YWHAG: variants seen among roughly 807,000 people sequenced by gnomAD.
YWHAG encodes tyrosine 3-monooxygenase/tryptophan 5-monooxygenase activation protein gamma.
A neutral mutation model predicts 23.3 loss-of-function variants in YWHAG; 1 was observed. The observed-to-expected ratio is 0.04, with a 90% CI of 0.02 to 0.20. The LOEUF (loss-of-function observed/expected upper bound fraction) is 0.20, where lower values mean the gene tolerates loss of function less well. YWHAG is among the 10% of genes least tolerant of loss of function. The pLI, the probability that YWHAG is intolerant of heterozygous loss-of-function variation, is 1.00. For synonymous variants in YWHAG, 160 were observed against 144.0 expected (o/e 1.11, Z -0.80); for missense variants, 151 against 338.6 (o/e 0.45, Z 4.35).
At chr7:76,339,014 C>G (rs1466210285) in intron 1 of YWHAG, among the ~76,000 whole-genome samples, 1 of 152,266 alleles carries the variant, frequency 6.6e-6, no homozygotes, top group East Asian at 1.9e-4. Flanking sequence ...ACAATTTACC[C>G]TGTTATTCAT....
At chr7:76,343,414 A>AAT (rs1803728863) in intron 1 of YWHAG, among the ~76,000 whole-genome samples, 1 of 152,138 alleles carries the variant, frequency 6.6e-6, no homozygotes, top group African/African-American at 2.4e-5. Flanking sequence ...TCTTCACATT[A>AAT]ATATAACGCT....
chr7:76,357,448 CATTAG>C (rs1288039788), intron 1 of YWHAG, among the ~76,000 whole-genome samples: 1 of 152,136 alleles, frequency 6.6e-6, no homozygotes, highest in East Asian at 1.9e-4. Context: ...GGCCCGAAAT[CATTAG>C]ATTAATTTTC....
intron 1 of YWHAG, among the ~76,000 whole-genome samples, chr7:76,357,617 CTCTTT>C (rs1432660545): frequency 1.4e-4 from 22 of 152,170 alleles, no homozygotes; most frequent in Non-Finnish European, 2.5e-4. Flanking sequence ...GATCGGTATT[CTCTTT>C]TCATCAGCAT....
chr7:76,353,034 C>A (rs559874675), intron 1 of YWHAG, among the ~76,000 whole-genome samples: 2 of 152,198 alleles, frequency 1.3e-5, no homozygotes, highest in Non-Finnish European at 2.9e-5. Context: ...AGGACACACA[C>A]TTAACAAGTG....
At chr7:76,352,652 CT>C (rs749657866) in intron 1 of YWHAG, among the ~76,000 whole-genome samples, 428 of 144,560 alleles carry the variant, frequency 3.0e-3, no homozygotes, top group Non-Finnish European at 2.9e-3. Context: ...ACAACCAAAA[CT>C]TTTTTTTTTT....
At chr7:76,339,118 C>T (rs1484252588) in intron 1 of YWHAG, among the ~76,000 whole-genome samples, 2 of 152,234 alleles carry the variant, frequency 1.3e-5, no homozygotes, top group African/African-American at 2.4e-5. Flanking sequence ...TGGATGTATA[C>T]AACAAACTCA....
intron 1 of YWHAG, among the ~76,000 whole-genome samples, chr7:76,353,471 A>G (rs1289182332): frequency 6.6e-6 from 1 of 152,178 alleles, no homozygotes; most frequent in Non-Finnish European, 1.5e-5. Flanking sequence ...TCAGCCTCCC[A>G]AAGTGCTGGG....
intron 1 of YWHAG, among the ~76,000 whole-genome samples, chr7:76,352,792 G>C (rs775576876): frequency 6.6e-6 from 1 of 151,978 alleles, no homozygotes; most frequent in Non-Finnish European, 1.5e-5. Flanking sequence ...TGGGATTACA[G>C]GCATGCGCCA....
intron 1 of YWHAG, among the ~76,000 whole-genome samples, chr7:76,339,384 T>A (rs982368616): frequency 6.6e-6 from 1 of 152,080 alleles, no homozygotes; most frequent in African/African-American, 2.4e-5. Context: ...ACAGGAGAAC[T>A]GCTTGAACCC....
intron 1 of YWHAG, among the ~76,000 whole-genome samples, chr7:76,331,090 A>G (rs1389938023): frequency 6.6e-6 from 1 of 152,230 alleles, no homozygotes; most frequent in Non-Finnish European, 1.5e-5. Context: ...ATACTATTAC[A>G]TTACTTGACA....
Position 76,328,157 on chromosome 7 carries a change from T to C in YWHAG, c.*1420A>G, listed in dbSNP as rs1363667489. ...TAGACAGATTCACCCGAAATGAGAA[T>C]GAGGGCCTTAAGGCTGCCGAAAACA... is the stretch of plus-strand genomic sequence containing the variant. On this transcript the variant is annotated 3_prime_UTR_variant, in exon 2 of 2. Transcript: ENST00000307630. The C allele has an allele frequency of 2.6e-5, 4 of 152,116 alleles. No homozygotes were observed. The highest frequency in any genetic ancestry group is 4.4e-5 in the Non-Finnish European group (3 of 68,024). The allele number at this position is 152,116 out of a possible 1,614,324, so 9.4% of individuals were successfully genotyped here.
chr7:76,340,327 A>G (rs1443976096), intron 1 of YWHAG, among the ~76,000 whole-genome samples: 2 of 152,224 alleles, frequency 1.3e-5, no homozygotes, highest in African/African-American at 4.8e-5. Flanking sequence ...TACTTGAATC[A>G]TATACTACCT....
Position 76,329,667 on chromosome 7 carries a change from G to A in YWHAG, c.654C>T (p.Asp218=), listed in dbSNP as rs1256347340. Residue 218 remains aspartate (D), a synonymous_variant, in exon 2 of 2, where the codon GAC becomes GAT. Transcript: ENST00000307630. The surrounding 1 kb of genome is among the most constrained non-coding windows in gnomAD (Gnocchi z 6.1). The part of the protein sequence containing the change: ...LDTLNEDSYK[D]STLIMQLLRD... ...GGAGGAGCTGCATGATGAGCGTGGA[G>A]TCCTTGTAGGAGTCCTCGTTGAGGG... 5 of 1,614,152 alleles carry A rather than the reference G, an allele frequency of 3.1e-6. No individual in the cohort carries two copies. Among genetic ancestry groups the A allele is most frequent in the Non-Finnish European group, 4.2e-6 (5 of 1,180,058 alleles).
Position 76,330,168 on chromosome 7 carries a change from G to C in YWHAG, c.153C>G (p.Asn51Lys). 6.2e-7 allele frequency: 1 copy of C among 1,613,838 alleles called. No individual in the cohort carries two copies. The highest frequency in any genetic ancestry group is 8.5e-7 in the Non-Finnish European group (1 of 1,179,990). ...AGGAAGAGCGGCGTGCCCCCACAAC[G>C]TTCTTGTAGGCCACAGACAGAAGGT... is the stretch of plus-strand genomic sequence containing the variant. ...ERNLLSVAYK[N>K]VVGARRSSWR... The change falls in exon 2 of 2, where the codon AAC becomes AAG. Residue 51 changes from asparagine to lysine, a missense_variant. By Grantham distance (94) the Asn-to-Lys change is moderately conservative. Transcript: ENST00000307630.
chr7:76,355,400 A>G (rs917423), intron 1 of YWHAG, among the ~76,000 whole-genome samples: 97,925 of 152,120 alleles, frequency 0.64, 33,174 homozygotes, highest in East Asian at 0.94. Flanking sequence ...GAATTCAAAA[A>G]ACACATAGAT....
At chr7:76,351,948 A>C (rs1282612660) in intron 1 of YWHAG, among the ~76,000 whole-genome samples, 1 of 152,130 alleles carries the variant, frequency 6.6e-6, no homozygotes, top group African/African-American at 2.4e-5. Flanking sequence ...GGTGCCAAAA[A>C]GGTTGGGGAC....
At chr7:76,334,822 A>G (rs1803594564) in intron 1 of YWHAG, among the ~76,000 whole-genome samples, 2 of 152,094 alleles carry the variant, frequency 1.3e-5, no homozygotes, top group African/African-American at 4.8e-5. Flanking sequence ...AGCTCACTGC[A>G]GCCTCAACTT....
chr7:76,348,267 T>G (rs1447862159), intron 1 of YWHAG, among the ~76,000 whole-genome samples: 1 of 23,772 alleles, frequency 4.2e-5, no homozygotes, highest in Non-Finnish European at 6.6e-5. Flanking sequence ...TAGACTTCGT[T>G]TTTTTTTTTT....
At chr7:76,344,883 T>C (rs893880293) in intron 1 of YWHAG, among the ~76,000 whole-genome samples, 1 of 152,222 alleles carries the variant, frequency 6.6e-6, no homozygotes, top group Admixed American at 6.5e-5. Context: ...CTTTCTCTCT[T>C]AGCACGTTCC....
Sources: gnomAD v4.1 joint callset for allele counts (sites outside exome capture counted in the v4.1 genomes callset) on GRCh38, gnomAD v4.1.1 for gene constraint, Gnocchi (gnomAD v3.1) non-coding constraint, MANE v1.5 for transcripts, NCBI Gene and HGNC (gene_info 2026-07-23, HGNC 2026-07-21) for gene names.